Variants in SUMF1 observed in about 807,000 individuals in gnomAD.
SUMF1 encodes formylglycine-generating enzyme.
Under a neutral mutation model 47.6 loss-of-function variants are expected in SUMF1, and 48 were observed. The ratio of observed to expected loss-of-function variants is 1.01; its 90% CI spans 0.80 to 1.28. The LOEUF (loss-of-function observed/expected upper bound fraction) is 1.28, where lower values mean the gene tolerates loss of function less well. SUMF1 is among the 50% of genes most tolerant of loss of function. The pLI, the probability that SUMF1 is intolerant of heterozygous loss-of-function variation, is 0.00. For synonymous variants in SUMF1, 230 were observed against 192.1 expected (o/e 1.20, Z -1.63); for missense variants, 571 against 485.4 (o/e 1.18, Z -1.66).
intron 8 of SUMF1, chr3:4,312,926 G>A: frequency 6.2e-7 from 1 of 1,613,184 alleles, no homozygotes; most frequent in Non-Finnish European, 8.5e-7. Context: ...GTTGGACCTG[G>A]AGCAGACATT....
At chr3:4,194,208 T>G (rs1323358137) in intron 8 of SUMF1, among the ~76,000 whole-genome samples, 1 of 152,100 alleles carries the variant, frequency 6.6e-6, no homozygotes, top group Non-Finnish European at 1.5e-5. Context: ...TATTTAGATT[T>G]AAATAGCCAC....
At position 4,448,169 on chromosome 3, in the gene SUMF1, T is replaced by C. The variant is rs115852749; in HGVS notation, c.519+1097A>G. Reference sequence around the variant, plus strand: ...TTCAAACATTTATCTAAAACACATATTAAAAAGTGGCTCAATTCACCTATA... The same window carrying C: ...TTCAAACATTTATCTAAAACACATACTAAAAAGTGGCTCAATTCACCTATA... On this transcript the variant is annotated intron_variant, in intron 3 of 8. Coordinates refer to ENST00000272902, the MANE Select transcript of SUMF1 (RefSeq NM_182760.4). Among the ~76,000 whole-genome samples, 1,018 of 152,304 alleles carry C rather than the reference T, an allele frequency of 6.7e-3. 8 individuals are homozygous for C. Among genetic ancestry groups the C allele is most frequent in the African/African-American group, 0.023 (970 of 41,560 alleles).
At chr3:4,174,562 G>C (rs908666133) in intron 8 of SUMF1, among the ~76,000 whole-genome samples, 2 of 151,858 alleles carry the variant, frequency 1.3e-5, no homozygotes, top group Non-Finnish European at 2.9e-5. Flanking sequence ...CACACATGGG[G>C]GGCGTTCCAA....
At chr3:4,316,304 C>A in intron 8 of SUMF1, 1 of 1,116,152 alleles carries the variant, frequency 9.0e-7, no homozygotes, top group Non-Finnish European at 1.3e-6. Flanking sequence ...CAACTCGCAA[C>A]ATCAACAATG....
intron 8 of SUMF1, among the ~76,000 whole-genome samples, chr3:4,337,900 C>T (rs1699188276): frequency 6.6e-6 from 1 of 152,030 alleles, no homozygotes; most frequent in African/African-American, 2.4e-5. Context: ...ATCACCTCAC[C>T]TCCCTCCCAG....
At chr3:4,146,260 G>A (rs1437227486) in intron 8 of SUMF1, among the ~76,000 whole-genome samples, 1 of 152,100 alleles carries the variant, frequency 6.6e-6, no homozygotes, top group Non-Finnish European at 1.5e-5. Flanking sequence ...ATTAAAACGT[G>A]CAGAAATGAA....
chr3:4,352,889 G>A (rs1192436486), intron 8 of SUMF1, among the ~76,000 whole-genome samples: 1 of 152,152 alleles, frequency 6.6e-6, no homozygotes, highest in Non-Finnish European at 1.5e-5. Context: ...TGCTCTTGAG[G>A]TCATTTAAAC....
In SUMF1 at chr3:4,135,567, A is replaced by G. The variant is rs561909204; in HGVS notation, c.1015-66822T>C. Among the ~76,000 whole-genome samples the G allele has an allele frequency of 7.2e-5, 11 of 152,288 alleles. No individual in the cohort carries two copies. In the South Asian group the frequency reaches 2.3e-3, roughly 32 times the overall value. The stretch of plus-strand genomic sequence containing the variant: ...CATTCCCCTTGAAAACTGGCACAAG[A>G]CAGGGATGCCCTCTGTCACCACTCC... On this transcript the variant is annotated intron_variant and NMD_transcript_variant, in intron 8 of 12. Transcript: ENST00000448413.
intron 8 of SUMF1, among the ~76,000 whole-genome samples, chr3:4,366,531 T>C (rs1699964097): frequency 1.3e-5 from 2 of 150,142 alleles, no homozygotes; most frequent in Non-Finnish European, 3.0e-5. Context: ...TTTTGTATTC[T>C]TCACGTAGTT....
chr3:4,180,683 A>AACACACACACACACACACACACACAC (rs59921396), intron 8 of SUMF1, among the ~76,000 whole-genome samples: 8,933 of 139,560 alleles, frequency 0.064, 412 homozygotes, highest in South Asian at 0.076. Context: ...CCTAGAACTT[A>AACACACACACACACACACACACACAC]ACACACACAC....
At chr3:4,173,899 G>A (rs900102392) in intron 8 of SUMF1, among the ~76,000 whole-genome samples, 2 of 152,060 alleles carry the variant, frequency 1.3e-5, no homozygotes, top group African/African-American at 4.8e-5. Context: ...GCTAGGGGAG[G>A]GATAACATTA....
At chr3:4,304,024 A>T (rs1698072060) in intron 8 of SUMF1, 4 of 280,088 alleles carry the variant, frequency 1.4e-5, no homozygotes, top group African/African-American at 2.3e-5. Flanking sequence ...TCCAGCGTAC[A>T]GTGGAACAGT....
chr3:4,062,947 T>C (rs1695299694), intron 9 of SUMF1, among the ~76,000 whole-genome samples: 3 of 152,130 alleles, frequency 2.0e-5, no homozygotes, highest in Admixed American at 1.3e-4. Context: ...CAGGTGATCT[T>C]TGCTTTCCTT....
At chr3:4,336,599 C>T (rs916429938) in intron 8 of SUMF1, among the ~76,000 whole-genome samples, 1 of 152,154 alleles carries the variant, frequency 6.6e-6, no homozygotes, top group African/African-American at 2.4e-5. Context: ...ACAATAACAA[C>T]ACAATTTATG....
At chr3:4,164,810 T>A (rs1694661311) in intron 8 of SUMF1, among the ~76,000 whole-genome samples, 2 of 152,266 alleles carry the variant, frequency 1.3e-5, no homozygotes, top group East Asian at 1.9e-4. Context: ...CCAGATTGGA[T>A]AATAAACTTA....
chr3:4,227,461 C>T (rs1196229758), intron 8 of SUMF1, among the ~76,000 whole-genome samples: 1 of 152,068 alleles, frequency 6.6e-6, no homozygotes, highest in Admixed American at 6.6e-5. Flanking sequence ...GGAGATCCAT[C>T]GGCTTTCATC....
chr3:4,333,543 C>T (rs1559229734), intron 8 of SUMF1, among the ~76,000 whole-genome samples: 1 of 151,948 alleles, frequency 6.6e-6, no homozygotes, highest in Non-Finnish European at 1.5e-5. Context: ...TCAAGGATCC[C>T]ATTTTTTATA....
intron 8 of SUMF1, among the ~76,000 whole-genome samples, chr3:4,329,280 C>G (rs1366287091): frequency 6.6e-6 from 1 of 152,240 alleles, no homozygotes; most frequent in Non-Finnish European, 1.5e-5. Flanking sequence ...GGCTCCAACC[C>G]CACATTTCCT....
At chr3:4,168,582 G>C (rs1293488024) in intron 8 of SUMF1, among the ~76,000 whole-genome samples, 1 of 152,156 alleles carries the variant, frequency 6.6e-6, no homozygotes, top group Non-Finnish European at 1.5e-5. Flanking sequence ...TTCACTTACA[G>C]AATGTATACT....
Sources: allele counts gnomAD v4.1 joint callset (sites outside exome capture counted in the v4.1 genomes callset), GRCh38; gene constraint gnomAD v4.1.1; transcripts MANE v1.5; gene names NCBI Gene and HGNC (gene_info 2026-07-23, HGNC 2026-07-21).